Variants in NCOR2 observed in about 807,000 individuals in gnomAD.
NCOR2 encodes nuclear receptor corepressor 2.
NCOR2 carries 81 observed loss-of-function variants against 262.9 expected under a neutral mutation model. That is an observed-to-expected ratio of 0.31 (90% CI 0.26 to 0.37). The LOEUF is 0.37. NCOR2 is among the 10% of genes least tolerant of loss of function. The pLI is 1.00. For synonymous variants in NCOR2, 1,659 were observed against 1,559.3 expected, an observed-to-expected ratio of 1.06 and a Z score of -1.51; for missense variants, 3,385 against 3,621.4, an observed-to-expected ratio of 0.93 and a Z score of 1.68.
At chr12:124,397,841 G>C (rs548695377) in intron 16 of NCOR2, among the ~76,000 whole-genome samples, 1 of 152,212 alleles carries the variant, frequency 6.6e-6, no homozygotes, top group Non-Finnish European at 1.5e-5. Flanking sequence ...GAAGCCACTC[G>C]CTGACTACAT....
chr12:124,344,924 C>T lies in NCOR2; in HGVS notation c.4387G>A (p.Ala1463Thr), dbSNP rs373008881. 2.2e-5 allele frequency: 35 copies of T among 1,562,166 alleles called. No individual in the cohort carries two copies. Among genetic ancestry groups the T allele is most frequent in the Admixed American group, 1.3e-4 (7 of 53,122 alleles). ...TGCTTTTTGGAGCCAGTGGTGGACG[C>T]GCCGGTGTCGTACTTGAGCGGGGTG... Residue 1463 changes from alanine to threonine, a missense_variant, in exon 32 of 47, where the codon GCG (alanine) becomes ACG (threonine). This residue lies in a region of NCOR2 where 1,615 missense variants were observed against 1,626.9 expected (regional missense o/e 0.99). Coordinates refer to ENST00000405201, the Ensembl canonical transcript of NCOR2.
chr12:124,383,418 G>C, intron 17 of NCOR2: 1 of 449,118 alleles, frequency 2.2e-6, no homozygotes, highest in East Asian at 6.8e-5. Flanking sequence ...GTCCACGCCA[G>C]CGGCTTCACT....
rs1455138696 is a variant in NCOR2 at position 124,503,714 on chromosome 12, A to ATG, written c.-117-8347_-117-8346insCA. ...TGGATGGATGGATGGATGGATGGAC[A>ATG]GACGAATGGATGGATGGATGGACGG... is the stretch of plus-strand genomic sequence containing the variant. On this transcript the variant is annotated intron_variant, in intron 1 of 46. Coordinates refer to the NCOR2 transcript ENST00000404621. This position sits in a 1 kb window ranked among gnomAD's most constrained non-coding sequence, Gnocchi z 4.3. Among the ~76,000 whole-genome samples the ATG allele has an allele frequency of 3.2e-5, 4 of 125,284 alleles. No homozygotes were observed. The highest frequency in any genetic ancestry group is 2.3e-4 in the East Asian group (1 of 4,368). The allele number at this position is 125,284 out of a possible 152,430, so 82.2% of individuals were successfully genotyped here.
intron 1 of NCOR2, chr12:124,514,901 A>T (rs2049627808): frequency 6.6e-6 from 1 of 151,778 alleles, no homozygotes; most frequent in Admixed American, 6.6e-5. Context: ...AGAACAGCAA[A>T]GAAGAGGCTC....
intron 15 of NCOR2, among the ~76,000 whole-genome samples, chr12:124,398,417 C>T (rs965198941): frequency 1.3e-5 from 2 of 152,250 alleles, no homozygotes; most frequent in Non-Finnish European, 2.9e-5. Context: ...GGCAGTCCCA[C>T]GTGCCGTTGG....
intron 40 of NCOR2, chr12:124,334,837 G>C (rs935990996): frequency 1.7e-6 from 1 of 601,352 alleles, no homozygotes; most frequent in African/African-American, 1.9e-5. Flanking sequence ...GCAGATGGCT[G>C]ATGAGACCAG....
intron 8 of NCOR2, among the ~76,000 whole-genome samples, chr12:124,431,007 T>C (rs1224663959): frequency 6.8e-6 from 1 of 145,998 alleles, no homozygotes; most frequent in African/African-American, 2.6e-5. Context: ...CACAGGCACA[T>C]ACAAGTCACA....
intron 1 of NCOR2, among the ~76,000 whole-genome samples, chr12:124,501,055 C>A (rs1281259212): frequency 1.5e-5 from 1 of 65,190 alleles, no homozygotes; most frequent in African/African-American, 5.4e-5. Flanking sequence ...AGCGCGCGCG[C>A]ACGCGCGCAC....
intron 13 of NCOR2, among the ~76,000 whole-genome samples, chr12:124,407,513 C>T (rs1329680300): frequency 6.6e-6 from 1 of 152,046 alleles, no homozygotes; most frequent in Non-Finnish European, 1.5e-5. Context: ...CCCCCGGGGA[C>T]CTTTCTCAAA....
At chr12:124,340,104 C>T (rs779546841) in exon 37 of NCOR2, 5 of 1,612,722 alleles carry the variant, frequency 3.1e-6, no homozygotes, top group Non-Finnish European at 4.2e-6. Flanking sequence ...CATCCTGGGT[C>T]CGAGGGGAGA....
At chr12:124,399,416 G>C (rs532921766) in intron 15 of NCOR2, among the ~76,000 whole-genome samples, 2 of 152,292 alleles carry the variant, frequency 1.3e-5, no homozygotes, top group East Asian at 3.9e-4. Flanking sequence ...CCAGAGATCA[G>C]GCAGGAAGAA....
At chr12:124,458,130 G>A (rs1024166412) in intron 5 of NCOR2, among the ~76,000 whole-genome samples, 1 of 152,236 alleles carries the variant, frequency 6.6e-6, no homozygotes, top group East Asian at 1.9e-4. Context: ...ATTTGGCAAG[G>A]ACTAGGCGGA....
At chr12:124,541,983 C>A (rs1044214892) in intron 1 of NCOR2, among the ~76,000 whole-genome samples, 1 of 151,158 alleles carries the variant, frequency 6.6e-6, no homozygotes, top group Non-Finnish European at 1.5e-5. Flanking sequence ...AGGAGGGGAG[C>A]CACGTGCTCC....
chr12:124,372,245 C>A, exon 20 of NCOR2: 1 of 1,592,572 alleles, frequency 6.3e-7, no homozygotes, highest in South Asian at 1.1e-5. Flanking sequence ...TCGCTCTTGA[C>A]GGGCTCCTCG....
In NCOR2 at chr12:124,457,627, G is replaced by A. The variant is rs1005219725; in HGVS notation, c.706-465C>T. ...GGAGGAGGGAGGGTGAGATAGAGGC[G>A]CTCGGAGATACCCTTTCTAGGATTC... On this transcript the variant is annotated intron_variant, in intron 5 of 46. Transcript: ENST00000405201. The surrounding 1 kb of genome is among the most constrained non-coding windows in gnomAD (Gnocchi z 4.0). 2.6e-5 allele frequency among the ~76,000 whole-genome samples: 4 copies of A among 152,164 alleles called. No individual in the cohort carries two copies. Among genetic ancestry groups the A allele is most frequent in the South Asian group, 2.1e-4 (1 of 4,834 alleles).
At position 124,410,818 on chromosome 12, in the gene NCOR2, G is replaced by A. The variant is rs559462878; in HGVS notation, c.1483-8257C>T. ...GCTCCTGCCCTGGAACAGCCTTCCC[G>A]GTCATACTGTTCCCTGTGCAAACTG... On this transcript the variant is annotated intron_variant, in intron 13 of 46. Transcript: ENST00000405201. Among the ~76,000 whole-genome samples, 13 of 152,224 alleles carry A rather than the reference G, an allele frequency of 8.5e-5. No homozygotes were observed. The East Asian group carries it at 1.2e-3, about 14-fold the overall frequency.
intron 14 of NCOR2, among the ~76,000 whole-genome samples, chr12:124,401,104 G>A (rs2041963551): frequency 6.6e-6 from 1 of 152,044 alleles, no homozygotes; most frequent in African/African-American, 2.4e-5. Flanking sequence ...CCAGCTACTT[G>A]GGAAGCTAAG....
At chr12:124,514,751 C>T (rs1009840540) in intron 1 of NCOR2, 11 of 145,666 alleles carry the variant, frequency 7.6e-5, no homozygotes, top group African/African-American at 2.3e-4. Flanking sequence ...GCAGGAGAAT[C>T]GCTTGAACCT....
chr12:124,418,057 T>A (rs1295623226), intron 13 of NCOR2, among the ~76,000 whole-genome samples: 4 of 140,360 alleles, frequency 2.8e-5, no homozygotes, highest in African/African-American at 1.1e-4. Context: ...TGAAACTCCA[T>A]CTCAAAAAAA....
Sources: gnomAD v4.1 joint callset for allele counts (sites outside exome capture counted in the v4.1 genomes callset) on GRCh38, gnomAD v4.1.1 for gene constraint, gnomAD v4.1.1 regional missense constraint, Gnocchi (gnomAD v3.1) non-coding constraint, MANE v1.5 for transcripts, NCBI Gene and HGNC (gene_info 2026-07-23, HGNC 2026-07-21) for gene names.